ROBO2: variants seen among roughly 807,000 people sequenced by gnomAD.
ROBO2 encodes the protein roundabout guidance receptor 2, also known as roundabout homolog 2.
In ROBO2, 53 loss-of-function variants were observed where a neutral mutation model predicts 160.8. The observed-to-expected ratio is 0.33, with a 90% CI of 0.26 to 0.41. ROBO2 has a LOEUF of 0.41. Among genes scored for constraint, ROBO2 ranks in the 10% least tolerant of loss-of-function variants. The probability of loss-of-function intolerance (pLI) is 1.00; values close to 1 mark genes in which losing one functional copy is unlikely to be tolerated. For missense variants in ROBO2, 1,577 were observed against 1,722.4 expected, an observed-to-expected ratio of 0.92 and a Z score of 1.49; for synonymous variants, 664 against 611.7, an observed-to-expected ratio of 1.09 and a Z score of -1.26.
At chr3:76,393,680 C>G (rs778004138) in intron 2 of ROBO2, among the ~76,000 whole-genome samples, 1 of 152,006 alleles carries the variant, frequency 6.6e-6, no homozygotes, top group Non-Finnish European at 1.5e-5. Flanking sequence ...GAAAAATTAC[C>G]CAGAAACCAC....
intron 2 of ROBO2, among the ~76,000 whole-genome samples, chr3:76,836,909 C>T (rs532993887): frequency 4.3e-4 from 65 of 151,832 alleles, no homozygotes; most frequent in African/African-American, 1.4e-3. Flanking sequence ...TGGTTGATGA[C>T]GTTACTTGCA....
chr3:75,939,458 C>G (rs1947941460), intron 2 of ROBO2, among the ~76,000 whole-genome samples: 1 of 152,094 alleles, frequency 6.6e-6, no homozygotes, highest in Non-Finnish European at 1.5e-5. Flanking sequence ...AAAAAACAGC[C>G]TGAAATCAAT....
At position 77,174,013 on chromosome 3, in the gene ROBO2, G is replaced by A. The variant is rs187204001; in HGVS notation, c.388+75673G>A. Among the ~76,000 whole-genome samples the A allele has an allele frequency of 4.3e-3, 651 of 152,084 alleles. 3 individuals are homozygous for A. Among genetic ancestry groups the A allele is most frequent in the Middle Eastern group, 0.017 (5 of 294 alleles). On this transcript the variant is annotated intron_variant, in intron 2 of 25. Transcript: ENST00000461745. Reference sequence around the variant, plus strand: ...GTGTTTTTCATTTCTTGACCCCAACGTAGAAGAAAGGATGGAAGTAAATGG... The same window carrying A: ...GTGTTTTTCATTTCTTGACCCCAACATAGAAGAAAGGATGGAAGTAAATGG...
chr3:77,008,106 C>T (rs888940329), intron 2 of ROBO2, among the ~76,000 whole-genome samples: 1 of 151,924 alleles, frequency 6.6e-6, no homozygotes, highest in Non-Finnish European at 1.5e-5. Flanking sequence ...ATGCTTCATG[C>T]ATACTATATT....
chr3:76,518,202 A>G (rs1265938650), intron 2 of ROBO2, among the ~76,000 whole-genome samples: 1 of 152,194 alleles, frequency 6.6e-6, no homozygotes, highest in South Asian at 2.1e-4. Flanking sequence ...CACAAGAGGC[A>G]TGGAAGCGCA....
At chr3:76,498,446 T>C (rs2080272636) in intron 2 of ROBO2, among the ~76,000 whole-genome samples, 1 of 152,052 alleles carries the variant, frequency 6.6e-6, no homozygotes. Context: ...ACGGAGTAGA[T>C]TTTCAGCATT....
At chr3:76,037,934 G>A (rs1268477451) in intron 2 of ROBO2, among the ~76,000 whole-genome samples, 1 of 152,016 alleles carries the variant, frequency 6.6e-6, no homozygotes, top group Non-Finnish European at 1.5e-5. Context: ...TTAACCTAGA[G>A]AGGAACTTAA....
intron 2 of ROBO2, among the ~76,000 whole-genome samples, chr3:76,778,007 C>T (rs2122445): frequency 0.31 from 46,740 of 150,920 alleles, 8,994 homozygotes; most frequent in Non-Finnish European, 0.42. Flanking sequence ...GCATGTATTT[C>T]CCTACATATA....
At chr3:76,294,818 C>T (rs1046642589) in intron 2 of ROBO2, among the ~76,000 whole-genome samples, 3 of 152,122 alleles carry the variant, frequency 2.0e-5, no homozygotes, top group African/African-American at 4.8e-5. Flanking sequence ...GCATTTGCTC[C>T]CTGATTATAA....
intron 5 of ROBO2, among the ~76,000 whole-genome samples, chr3:77,495,426 TG>T (rs1234088881): frequency 8.5e-5 from 13 of 152,312 alleles, no homozygotes; most frequent in Admixed American, 3.9e-4. Flanking sequence ...TTAAGTAAAG[TG>T]TATACATTAT....
chr3:77,293,809 G>C (rs1272792730), intron 2 of ROBO2, among the ~76,000 whole-genome samples: 1 of 134,472 alleles, frequency 7.4e-6, no homozygotes, highest in Non-Finnish European at 1.5e-5. Context: ...GGCTAGAACA[G>C]TAAAGACATA....
chr3:77,229,604 T>C (rs2086910343), intron 2 of ROBO2, among the ~76,000 whole-genome samples: 1 of 150,976 alleles, frequency 6.6e-6, no homozygotes, highest in African/African-American at 2.4e-5. Flanking sequence ...GAGGTTGCAG[T>C]GAGCTGAGAT....
chr3:76,469,594 C>CT (rs891476615), intron 2 of ROBO2, among the ~76,000 whole-genome samples: 7 of 152,020 alleles, frequency 4.6e-5, no homozygotes, highest in Non-Finnish European at 8.8e-5. Context: ...CCCTTTTCTT[C>CT]TTTTAATTTC....
chr3:77,548,091 T>C (rs1056792840), intron 7 of ROBO2, among the ~76,000 whole-genome samples: 6 of 148,874 alleles, frequency 4.0e-5, no homozygotes, highest in African/African-American at 1.5e-4. Context: ...CACATAGACA[T>C]ACATGCACAC....
intron 2 of ROBO2, among the ~76,000 whole-genome samples, chr3:76,442,104 T>G (rs1294323171): frequency 6.6e-6 from 1 of 151,996 alleles, no homozygotes; most frequent in Non-Finnish European, 1.5e-5. Flanking sequence ...GAAAAACGAG[T>G]AAGGGCTCTG....
At chr3:77,004,888 C>CTTGG (rs1360878951) in intron 2 of ROBO2, among the ~76,000 whole-genome samples, 1 of 152,142 alleles carries the variant, frequency 6.6e-6, no homozygotes, top group Non-Finnish European at 1.5e-5. Flanking sequence ...CCAGAATTAC[C>CTTGG]ACGCCTCGCT....
At chr3:76,498,631 C>A (rs905442183) in intron 2 of ROBO2, among the ~76,000 whole-genome samples, 18 of 150,356 alleles carry the variant, frequency 1.2e-4, no homozygotes, top group Admixed American at 9.9e-4. Flanking sequence ...AACTTTTGAA[C>A]AAGCAATACA....
At position 75,934,692 on chromosome 3, in the gene ROBO2, T is replaced by A. The variant is rs539356963; in HGVS notation, c.-13-2789T>A. 1.1e-3 allele frequency among the ~76,000 whole-genome samples: 163 copies of A among 152,296 alleles called. 1 individual carries two copies. Among genetic ancestry groups the A allele is most frequent in the African/African-American group, 3.7e-3 (154 of 41,568 alleles). On this transcript the variant is annotated intron_variant, in intron 1 of 26. Transcript: ENST00000487694. Reference sequence around the variant, plus strand: ...CTCAGAGAGGAAGGTTACATTTTTTTAAATTATAATAACATTTTGAAAACC... The same window carrying A: ...CTCAGAGAGGAAGGTTACATTTTTTAAAATTATAATAACATTTTGAAAACC...
chr3:76,161,874 A>C (rs1164812362), intron 2 of ROBO2, among the ~76,000 whole-genome samples: 1 of 152,180 alleles, frequency 6.6e-6, no homozygotes, highest in African/African-American at 2.4e-5. Context: ...GCTGTCATAC[A>C]TCATACTGCA....
Sources: allele counts gnomAD v4.1 joint callset (sites outside exome capture counted in the v4.1 genomes callset), GRCh38; gene constraint gnomAD v4.1.1; transcripts MANE v1.5; gene names NCBI Gene and HGNC (gene_info 2026-07-23, HGNC 2026-07-21).